RNF220: variants seen among roughly 807,000 people sequenced by gnomAD.
RNF220 encodes the protein E3 ubiquitin-protein ligase RNF220.
Under a neutral mutation model 67.1 loss-of-function variants are expected in RNF220, and 7 were observed. The observed-to-expected ratio is 0.10, with a 90% confidence interval of 0.06 to 0.20. RNF220 has a LOEUF of 0.20. RNF220 is among the 10% of genes least tolerant of loss of function. RNF220 has a pLI of 1.00. For synonymous variants in RNF220, 270 were observed against 283.2 expected (o/e 0.95, Z 0.47); for missense variants, 565 against 740.3 (o/e 0.76, Z 2.75).
chr1:44,583,354 C>G (rs1462366177), intron 2 of RNF220, among the ~76,000 whole-genome samples: 2 of 152,170 alleles, frequency 1.3e-5, no homozygotes, highest in East Asian at 3.8e-4. Flanking sequence ...TGGCTTCTCG[C>G]AAAGTAATCA....
In RNF220 at chr1:44,435,682, C is replaced by A. The variant is rs144379001; in HGVS notation, c.625+22960C>A. Among the ~76,000 whole-genome samples, 127 of 152,322 alleles carry A rather than the reference C, an allele frequency of 8.3e-4. No homozygotes were observed. In the East Asian group the frequency reaches 0.022, roughly 27 times the overall value. On this transcript the variant is annotated intron_variant, in intron 2 of 14. Transcript: ENST00000361799. ...TGGTGGCTCACGCCTGTAATCCCAG[C>A]ACTTTGGGAGGCCGAGGTGGGCGGA...
intron 2 of RNF220, among the ~76,000 whole-genome samples, chr1:44,488,100 A>G (rs1044545496): frequency 3.4e-5 from 5 of 149,150 alleles, no homozygotes; most frequent in African/African-American, 1.2e-4. Flanking sequence ...TCTCCTGAGT[A>G]GCTGGGATTA....
chr1:44,463,158 G>T (rs535765528), intron 2 of RNF220, among the ~76,000 whole-genome samples: 1 of 152,030 alleles, frequency 6.6e-6, no homozygotes, highest in Non-Finnish European at 1.5e-5. Flanking sequence ...CCAACATGGA[G>T]AAACCCCGTC....
rs1424256391 is a variant in RNF220 at position 44,417,521 on chromosome 1, C to G, written c.625+4799C>G. Among the ~76,000 whole-genome samples, 1 of 152,144 alleles carries G rather than the reference C, an allele frequency of 6.6e-6. No homozygotes were observed. Among genetic ancestry groups the G allele is most frequent in the Admixed American group, 6.5e-5 (1 of 15,282 alleles). ...CTGTAGTTGTGCTCCCGCTCTTCCC[C>G]TGCCCTCGCTCCACGCCGCGCCGCT... On this transcript the variant is annotated intron_variant, in intron 2 of 14. Transcript: ENST00000361799. The surrounding 1 kb of genome is among the most constrained non-coding windows in gnomAD (Gnocchi z 4.0).
chr1:44,420,355 C>T (rs762891981), intron 2 of RNF220, among the ~76,000 whole-genome samples: 4 of 152,188 alleles, frequency 2.6e-5, no homozygotes, highest in Non-Finnish European at 4.4e-5. Flanking sequence ...GAAATTCAGG[C>T]TAGACTTATG....
intron 2 of RNF220, among the ~76,000 whole-genome samples, chr1:44,496,257 T>C (rs1425227109): frequency 6.6e-6 from 1 of 151,960 alleles, no homozygotes; most frequent in Admixed American, 6.6e-5. Flanking sequence ...CTATGGGAAA[T>C]CCCAGTGAAG....
At chr1:44,407,540 G>A (rs1248941135) in intron 1 of RNF220, among the ~76,000 whole-genome samples, 1 of 152,142 alleles carries the variant, frequency 6.6e-6, no homozygotes, top group Non-Finnish European at 1.5e-5. Context: ...GCGCTTCGAG[G>A]CAAGGCTGGG....
At chr1:44,619,786 T>C (rs1037107493) in intron 3 of RNF220, among the ~76,000 whole-genome samples, 1 of 152,134 alleles carries the variant, frequency 6.6e-6, no homozygotes, top group Non-Finnish European at 1.5e-5. Context: ...ACCTGTCTTC[T>C]ATGAGGCAGG....
chr1:44,588,327 G>A (rs1453400349), intron 2 of RNF220, among the ~76,000 whole-genome samples: 1 of 152,202 alleles, frequency 6.6e-6, no homozygotes, highest in Non-Finnish European at 1.5e-5. Flanking sequence ...GACCTGCCCT[G>A]CCAAGACAGG....
At chr1:44,586,812 A>G (rs1665733982) in intron 2 of RNF220, among the ~76,000 whole-genome samples, 1 of 152,208 alleles carries the variant, frequency 6.6e-6, no homozygotes, top group Non-Finnish European at 1.5e-5. Context: ...AAGGGACAGT[A>G]GGCACTGGTT....
At chr1:44,605,848 T>C (rs943972958) in intron 2 of RNF220, among the ~76,000 whole-genome samples, 3 of 152,088 alleles carry the variant, frequency 2.0e-5, no homozygotes, top group Admixed American at 6.5e-5. Flanking sequence ...GCCTATTGGG[T>C]TCCAAGTGAC....
chr1:44,595,802 C>T (rs574079071), intron 2 of RNF220, among the ~76,000 whole-genome samples: 4 of 152,038 alleles, frequency 2.6e-5, no homozygotes, highest in South Asian at 2.1e-4. Flanking sequence ...CTCGCTCTGT[C>T]GCCCAGGCTG....
At chr1:44,556,717 C>T (rs1054684906) in intron 2 of RNF220, among the ~76,000 whole-genome samples, 1 of 152,030 alleles carries the variant, frequency 6.6e-6, no homozygotes, top group African/African-American at 2.4e-5. Flanking sequence ...CTGCACCACG[C>T]CCTGCTAATT....
chr1:44,593,812 G>A (rs1666277401), intron 2 of RNF220, among the ~76,000 whole-genome samples: 1 of 152,166 alleles, frequency 6.6e-6, no homozygotes, highest in South Asian at 2.1e-4. Flanking sequence ...GCCGGGCATG[G>A]TGGCTCACGC....
Position 44,412,755 on chromosome 1 carries a change from C to G in RNF220, c.625+33C>G. ...CTTTGGTTCCAGCCCTCCCTTACCC[C>G]CAGTAAGCCCTGCCTCACCGTGATG... is the stretch of plus-strand genomic sequence containing the variant. On this transcript the variant is annotated intron_variant, in intron 2 of 14. Coordinates refer to ENST00000361799, the MANE Select transcript of RNF220 (RefSeq NM_018150.4). The surrounding 1 kb of genome is among the most constrained non-coding windows in gnomAD (Gnocchi z 5.3). 6 of 1,589,684 alleles carry G rather than the reference C, an allele frequency of 3.8e-6. No individual in the cohort carries two copies. Among genetic ancestry groups the G allele is most frequent in the Non-Finnish European group, 4.3e-6 (5 of 1,166,206 alleles).
chr1:44,570,736 C>G (rs1664381391), intron 2 of RNF220, among the ~76,000 whole-genome samples: 1 of 152,194 alleles, frequency 6.6e-6, no homozygotes. Flanking sequence ...CTTTCCGGCC[C>G]TCCCACGATC....
At position 44,553,038 on chromosome 1, in the gene RNF220, C is replaced by A. The variant is rs549479407; in HGVS notation, c.626-61127C>A. ...AGCTCCTCTCTTTGCACATACTGTT[C>A]CCTTCTTCTTCTCCCTATCTCTTCC... On this transcript the variant is annotated intron_variant, in intron 2 of 14. Coordinates refer to ENST00000361799, the MANE Select transcript of RNF220 (RefSeq NM_018150.4). 4.6e-5 allele frequency among the ~76,000 whole-genome samples: 7 copies of A among 152,276 alleles called. No homozygotes were observed. In the South Asian group the frequency reaches 1.5e-3, roughly 32 times the overall value.
intron 2 of RNF220, among the ~76,000 whole-genome samples, chr1:44,506,527 G>T (rs888499393): frequency 6.6e-6 from 1 of 152,172 alleles, no homozygotes; most frequent in Non-Finnish European, 1.5e-5. Context: ...GATCCTCCTG[G>T]CCTTCATCTG....
At chr1:44,578,632 G>A (rs1424640964) in intron 2 of RNF220, among the ~76,000 whole-genome samples, 1 of 152,148 alleles carries the variant, frequency 6.6e-6, no homozygotes, top group Non-Finnish European at 1.5e-5. Flanking sequence ...CACTTGTCAG[G>A]TAGCGGTAGA....
Sources: gnomAD v4.1 joint callset for allele counts (sites outside exome capture counted in the v4.1 genomes callset) on GRCh38, gnomAD v4.1.1 for gene constraint, Gnocchi (gnomAD v3.1) non-coding constraint, MANE v1.5 for transcripts, NCBI Gene and HGNC (gene_info 2026-07-23, HGNC 2026-07-21) for gene names.